TSPAN18: variants seen among roughly 807,000 people sequenced by gnomAD.
The protein encoded by TSPAN18 is tetraspanin-18.
Under a neutral mutation model 27.3 loss-of-function variants are expected in TSPAN18, and 14 were observed. The ratio of observed to expected loss-of-function variants is 0.51; its 90% CI spans 0.34 to 0.80. The LOEUF (loss-of-function observed/expected upper bound fraction) is 0.80, where lower values mean the gene tolerates loss of function less well. Among genes scored for constraint, TSPAN18 ranks in the 30% least tolerant of loss-of-function variants. The probability of loss-of-function intolerance (pLI) is 0.01; values close to 1 mark genes in which losing one functional copy is unlikely to be tolerated. For missense variants in TSPAN18, 268 were observed against 323.9 expected (o/e 0.83, Z 1.32); for synonymous variants, 143 against 136.5 (o/e 1.05, Z -0.33).
intron 3 of TSPAN18, among the ~76,000 whole-genome samples, chr11:44,906,055 G>A (rs1859441766): frequency 6.6e-6 from 1 of 152,232 alleles, no homozygotes; most frequent in Admixed American, 6.5e-5. Flanking sequence ...GGACTGCTGA[G>A]CACTTACCAC....
chr11:44,918,678 A>T (rs1190635723), intron 6 of TSPAN18, among the ~76,000 whole-genome samples: 1 of 152,112 alleles, frequency 6.6e-6, no homozygotes, highest in Non-Finnish European at 1.5e-5. Flanking sequence ...CTGTGAGCAG[A>T]CAATGGTGCC....
At chr11:44,832,711 CCTT>C (rs1280830727) in intron 2 of TSPAN18, among the ~76,000 whole-genome samples, 2 of 152,194 alleles carry the variant, frequency 1.3e-5, no homozygotes, top group African/African-American at 2.4e-5. Flanking sequence ...CCTTGTTCCT[CCTT>C]CTTCGATCCT....
chr11:44,873,576 G>A (rs1858250998), intron 3 of TSPAN18, among the ~76,000 whole-genome samples: 1 of 152,238 alleles, frequency 6.6e-6, no homozygotes, highest in African/African-American at 2.4e-5. Context: ...CAGGGCTTAA[G>A]TCTAAGGAGG....
chr11:44,733,753 T>C (rs749179919), intron 1 of TSPAN18, among the ~76,000 whole-genome samples: 6 of 152,174 alleles, frequency 3.9e-5, no homozygotes, highest in Non-Finnish European at 7.4e-5. Flanking sequence ...GCTTTGGGAA[T>C]TGCCGTGCAG....
Position 44,906,493 on chromosome 11 carries a change from G to C in TSPAN18, c.63+14G>C. On this transcript the variant is annotated intron_variant, in intron 4 of 9. Transcript: ENST00000520358. ...TTCTTCATATTTGTAAGTATTCCTG[G>C]GTCTTCCCAGGCCTCTGCTGGGTGG... 1 of 1,611,360 alleles carries C rather than the reference G, an allele frequency of 6.2e-7. No individual in the cohort carries two copies.
intron 8 of TSPAN18, among the ~76,000 whole-genome samples, chr11:44,923,272 C>T (rs539841410): frequency 1.2e-4 from 18 of 152,108 alleles, no homozygotes; most frequent in African/African-American, 3.6e-4. Context: ...GGCTGCCCCT[C>T]ATCAGATTAG....
chr11:44,735,451 G>A (rs542853729), intron 1 of TSPAN18, among the ~76,000 whole-genome samples: 66 of 152,298 alleles, frequency 4.3e-4, no homozygotes, highest in African/African-American at 1.6e-3. Context: ...CTAGGGAAAG[G>A]TCCTCTTTGC....
chr11:44,775,597 CG>C (rs1590448922), intron 2 of TSPAN18, among the ~76,000 whole-genome samples: 1 of 151,518 alleles, frequency 6.6e-6, no homozygotes, highest in South Asian at 2.1e-4. Context: ...CCTCTAGTGG[CG>C]GGGGTGGGAG....
At chr11:44,814,927 G>A (rs771525701) in intron 2 of TSPAN18, among the ~76,000 whole-genome samples, 5 of 152,244 alleles carry the variant, frequency 3.3e-5, no homozygotes, top group Admixed American at 1.3e-4. Context: ...GGCTGCTTGG[G>A]TGTGTCCCTC....
chr11:44,820,466 A>G (rs1156650866), intron 2 of TSPAN18, among the ~76,000 whole-genome samples: 4 of 152,198 alleles, frequency 2.6e-5, no homozygotes, highest in Non-Finnish European at 4.4e-5. Context: ...GCTTTTTGCA[A>G]TAGATGAGAC....
intron 2 of TSPAN18, among the ~76,000 whole-genome samples, chr11:44,790,577 T>A (rs866782911): frequency 6.7e-6 from 1 of 149,664 alleles, no homozygotes. Flanking sequence ...TGTGTGTGCA[T>A]GTGTGTGCAT....
chr11:44,914,490 G>A (rs1436000896), intron 5 of TSPAN18, among the ~76,000 whole-genome samples: 1 of 152,230 alleles, frequency 6.6e-6, no homozygotes, highest in African/African-American at 2.4e-5. Flanking sequence ...GGCTGTGTTT[G>A]TGGGATGCCT....
chr11:44,797,243 G>A (rs987244991), intron 2 of TSPAN18, among the ~76,000 whole-genome samples: 2 of 152,178 alleles, frequency 1.3e-5, no homozygotes, highest in Admixed American at 6.5e-5. Flanking sequence ...GATGAGAACC[G>A]AGAGGTTCCA....
intron 8 of TSPAN18, 135 bp downstream of exon 8, chr11:44,920,134 G>A (rs1860071849): frequency 1.1e-6 from 1 of 904,320 alleles, no homozygotes; most frequent in Non-Finnish European, 1.6e-6. Flanking sequence ...CCATGATATG[G>A]GATGCCTGCA....
intron 9 of TSPAN18, 67 bp downstream of exon 9, chr11:44,926,824 C>G: frequency 1.3e-6 from 2 of 1,540,558 alleles, no homozygotes; most frequent in Non-Finnish European, 1.8e-6. Flanking sequence ...AGGCAGATCC[C>G]CCCAGCCTCC....
chr11:44,907,928 G>A (rs570346204), intron 4 of TSPAN18, among the ~76,000 whole-genome samples: 183 of 152,158 alleles, frequency 1.2e-3, no homozygotes, highest in African/African-American at 4.4e-3. Flanking sequence ...GGTAGCGGGT[G>A]CCTGTAATCC....
intron 2 of TSPAN18, among the ~76,000 whole-genome samples, chr11:44,802,145 C>T (rs929657609): frequency 2.0e-5 from 3 of 152,028 alleles, no homozygotes; most frequent in African/African-American, 7.3e-5. Flanking sequence ...GAGAGTCTCT[C>T]CTCAAGCTGG....
chr11:44,916,799 G>A (rs1207907710), intron 5 of TSPAN18, among the ~76,000 whole-genome samples: 3 of 152,208 alleles, frequency 2.0e-5, no homozygotes, highest in Admixed American at 1.3e-4. Flanking sequence ...CTGCCTGGGT[G>A]CCTGGGAGGG....
intron 2 of TSPAN18, among the ~76,000 whole-genome samples, chr11:44,797,466 T>G (rs1856375787): frequency 6.6e-6 from 1 of 152,112 alleles, no homozygotes; most frequent in African/African-American, 2.4e-5. Context: ...GGTGGGACTT[T>G]CTGAGCGATG....
Sources: gnomAD v4.1 joint callset for allele counts (sites outside exome capture counted in the v4.1 genomes callset) on GRCh38, gnomAD v4.1.1 for gene constraint, MANE v1.5 for transcripts, NCBI Gene and HGNC (gene_info 2026-07-23, HGNC 2026-07-21) for gene names.